Variants in TNRC6A observed in about 807,000 individuals in gnomAD.
TNRC6A encodes trinucleotide repeat containing adaptor 6A, also known as trinucleotide repeat-containing gene 6A protein.
Under a neutral mutation model 221.2 loss-of-function variants are expected in TNRC6A, and 44 were observed. The ratio of observed to expected loss-of-function variants is 0.20; its 90% CI spans 0.16 to 0.26. The LOEUF is 0.26. Ranked by LOEUF, TNRC6A falls within the 10% of genes least tolerant of loss-of-function variation. The pLI is 1.00. For missense variants in TNRC6A, 2,199 were observed against 2,404.4 expected (o/e 0.91, Z 1.79); for synonymous variants, 847 against 838.5 (o/e 1.01, Z -0.18).
At chr16:24,636,504 A>G (rs1415127185) in intron 1 of TNRC6A, among the ~76,000 whole-genome samples, 2 of 151,760 alleles carry the variant, frequency 1.3e-5, no homozygotes, top group Non-Finnish European at 2.9e-5. Flanking sequence ...TCGAGTATTT[A>G]GGACTACAGG....
intron 2 of TNRC6A, among the ~76,000 whole-genome samples, chr16:24,733,813 G>T (rs1370253391): frequency 1.3e-5 from 2 of 152,224 alleles, no homozygotes; most frequent in Non-Finnish European, 2.9e-5. Flanking sequence ...CTAACCAGGT[G>T]TATTTATGGG....
chr16:24,767,708 T>G (rs1368797126), intron 4 of TNRC6A, among the ~76,000 whole-genome samples: 1 of 152,182 alleles, frequency 6.6e-6, no homozygotes, highest in Non-Finnish European at 1.5e-5. Flanking sequence ...ATTTGGGACT[T>G]TTTTCCTAAT....
rs774543919 is a variant in TNRC6A at position 24,789,352 on chromosome 16, A to C, written c.710A>C (p.Glu237Ala). The change falls in exon 6 of 25, where the codon GAA (glutamate) becomes GCA (alanine). Residue 237 changes from glutamate (E) to alanine (A), a missense_variant. Around this residue, in one of 8 missense-constraint regions of TNRC6A, gnomAD observed 1,405 missense variants for 1,400.2 expected, o/e 1.00. Coordinates refer to ENST00000395799, the MANE Select transcript of TNRC6A (RefSeq NM_014494.4). ...NAVVSDLSEK[E>A]AWPSAPGSDP... is the part of the protein sequence containing the mutation. ...GTTGTAAGTGACTTGTCGGAAAAAG[A>C]AGCATGGCCCTCAGCCCCTGGCAGT... is the stretch of plus-strand genomic sequence containing the variant. The C allele has an allele frequency of 8.7e-6, 14 of 1,614,128 alleles. No homozygotes were observed. The Admixed American group carries it at 2.2e-4, about 25-fold the overall frequency.
intron 5 of TNRC6A, 61 bp downstream of exon 5, chr16:24,777,419 G>A (rs1461086531): frequency 1.3e-6 from 2 of 1,516,784 alleles, no homozygotes; most frequent in African/African-American, 2.7e-5. Flanking sequence ...ATAGCAAGTT[G>A]ATAAATTCGT....
At chr16:24,801,144 A>G (rs1178884453) in intron 11 of TNRC6A, among the ~76,000 whole-genome samples, 1 of 152,210 alleles carries the variant, frequency 6.6e-6, no homozygotes, top group African/African-American at 2.4e-5. Flanking sequence ...AGCTCAGAAT[A>G]GATGGGGCTG....
chr16:24,813,506 G>A (rs576132518), intron 18 of TNRC6A, among the ~76,000 whole-genome samples: 6 of 152,302 alleles, frequency 3.9e-5, no homozygotes, highest in African/African-American at 9.6e-5. Flanking sequence ...AGACATGATC[G>A]CATTCTTTTT....
intron 2 of TNRC6A, among the ~76,000 whole-genome samples, chr16:24,719,261 T>C (rs535553610): frequency 6.6e-5 from 10 of 151,832 alleles, no homozygotes; most frequent in Middle Eastern, 3.4e-3. Flanking sequence ...TGGCAGACAC[T>C]TGTAATCATA....
intron 2 of TNRC6A, among the ~76,000 whole-genome samples, chr16:24,686,230 G>T (rs1296641679): frequency 6.6e-6 from 1 of 152,126 alleles, no homozygotes; most frequent in East Asian, 1.9e-4. Flanking sequence ...CTGGGCAAAA[G>T]CCTGGGGTGG....
At chr16:24,760,918 AG>A in intron 4 of TNRC6A, among the ~76,000 whole-genome samples, 1 of 152,190 alleles carries the variant, frequency 6.6e-6, no homozygotes. Flanking sequence ...TTTCCATTCT[AG>A]GATCCGATGC....
chr16:24,661,048 C>G (rs2141914487), intron 2 of TNRC6A, among the ~76,000 whole-genome samples: 1 of 152,072 alleles, frequency 6.6e-6, no homozygotes, highest in South Asian at 2.1e-4. Context: ...GCCCAGCTTT[C>G]TTCTTCTTAA....
intron 2 of TNRC6A, among the ~76,000 whole-genome samples, chr16:24,682,288 G>T (rs909692307): frequency 1.3e-5 from 2 of 151,546 alleles, no homozygotes; most frequent in Non-Finnish European, 2.9e-5. Flanking sequence ...GTGCAGTGGT[G>T]TGATCTCAGC....
At chr16:24,660,273 C>T (rs1400518898) in intron 2 of TNRC6A, among the ~76,000 whole-genome samples, 5 of 152,092 alleles carry the variant, frequency 3.3e-5, no homozygotes, top group African/African-American at 1.2e-4. Context: ...TTGTGTCATT[C>T]TTATGCCTTT....
At chr16:24,769,710 A>C (rs2057550918) in intron 4 of TNRC6A, among the ~76,000 whole-genome samples, 1 of 152,196 alleles carries the variant, frequency 6.6e-6, no homozygotes, top group African/African-American at 2.4e-5. Context: ...TGCATTCAGC[A>C]GCATACTAAC....
At position 24,790,079 on chromosome 16, in the gene TNRC6A, C is replaced by T. The variant is rs147231450; in HGVS notation, c.1437C>T (p.Asn479=). The part of the protein sequence containing the change: ...SVQNNELPSS[N]TGAWRVSTMN... ...AGAATAATGAGCTGCCTAGTAGTAA[C>T]ACAGGGGCCTGGCGTGTGAGCACAA... The change falls in exon 6 of 25, where the codon AAC becomes AAT. Residue 479 remains asparagine (N), a synonymous_variant. Transcript: ENST00000395799. 76 of 1,614,070 alleles carry T rather than the reference C, an allele frequency of 4.7e-5. No individual in the cohort carries two copies. The highest frequency in any genetic ancestry group is 5.4e-5 in the Non-Finnish European group (64 of 1,180,042).
chr16:24,638,600 C>G (rs1353142668), intron 1 of TNRC6A, among the ~76,000 whole-genome samples: 1 of 152,066 alleles, frequency 6.6e-6, no homozygotes, highest in Non-Finnish European at 1.5e-5. Context: ...GTAGTCCCAG[C>G]TACTCGGGAG....
At chr16:24,638,773 G>A (rs1170382251) in intron 1 of TNRC6A, among the ~76,000 whole-genome samples, 1 of 151,986 alleles carries the variant, frequency 6.6e-6, no homozygotes, top group Non-Finnish European at 1.5e-5. Flanking sequence ...TCTAAATGGT[G>A]TTGTATTTAG....
chr16:24,701,270 C>T (rs538413799), intron 2 of TNRC6A, among the ~76,000 whole-genome samples: 51 of 152,274 alleles, frequency 3.3e-4, no homozygotes, highest in African/African-American at 1.2e-3. Context: ...CTCACTGCCA[C>T]TAAGAATTCA....
chr16:24,651,612 A>T (rs1232649479), intron 2 of TNRC6A, among the ~76,000 whole-genome samples: 1 of 150,610 alleles, frequency 6.6e-6, no homozygotes, highest in South Asian at 2.1e-4. Context: ...TAATCCCAGC[A>T]CTTTGGGAGG....
At chr16:24,770,200 G>C (rs1283806243) in intron 4 of TNRC6A, among the ~76,000 whole-genome samples, 1 of 152,162 alleles carries the variant, frequency 6.6e-6, no homozygotes, top group Admixed American at 6.5e-5. Context: ...ACGTTTTGGG[G>C]AATTGCAAGT....
Sources: gnomAD v4.1 joint callset for allele counts (sites outside exome capture counted in the v4.1 genomes callset) on GRCh38, gnomAD v4.1.1 for gene constraint, gnomAD v4.1.1 regional missense constraint, MANE v1.5 for transcripts, NCBI Gene and HGNC (gene_info 2026-07-23, HGNC 2026-07-21) for gene names.